Variants in GTF2H1 observed in about 807,000 individuals in gnomAD.
GTF2H1 encodes BTF2 p62.
In GTF2H1, 16 loss-of-function variants were observed where a neutral mutation model predicts 71.2. The ratio of observed to expected loss-of-function variants is 0.22; its 90% CI spans 0.15 to 0.34. The LOEUF is 0.34. GTF2H1 is among the 10% of genes least tolerant of loss of function. The pLI is 1.00. For synonymous variants in GTF2H1, 215 were observed against 219.0 expected, an observed-to-expected ratio of 0.98 and a Z score of 0.16; for missense variants, 498 against 648.2, an observed-to-expected ratio of 0.77 and a Z score of 2.52.
intron 14 of GTF2H1, 134 bp from the exon 15 acceptor site, chr11:18,365,649 C>T (rs2133996788): frequency 1.6e-6 from 1 of 644,054 alleles, no homozygotes; most frequent in African/African-American, 1.8e-5. Flanking sequence ...AGAGGGCTTG[C>T]ACATTACCTC....
chr11:18,327,224 A>G (rs946993966), intron 1 of GTF2H1, among the ~76,000 whole-genome samples: 1 of 152,118 alleles, frequency 6.6e-6, no homozygotes, highest in Non-Finnish European at 1.5e-5. Context: ...TTGATAGAGA[A>G]GAAACTCTTG....
intron 13 of GTF2H1, 86 bp from the exon 14 acceptor site, chr11:18,360,529 T>C: frequency 1.6e-6 from 1 of 637,524 alleles, no homozygotes; most frequent in Non-Finnish European, 2.7e-6. Flanking sequence ...ACAAGAAAAG[T>C]AACTTTCATA....
chr11:18,342,659 A>C (rs1157518476), intron 7 of GTF2H1, among the ~76,000 whole-genome samples: 1 of 152,144 alleles, frequency 6.6e-6, no homozygotes, highest in Non-Finnish European at 1.5e-5. Context: ...GGCCCTCTTT[A>C]ATTATCCTGA....
At chr11:18,344,391 G>A (rs4150631) in intron 7 of GTF2H1, among the ~76,000 whole-genome samples, 2,974 of 152,100 alleles carry the variant, frequency 0.02, 101 homozygotes, top group African/African-American at 0.068. Flanking sequence ...CGCCAAGGTG[G>A]GTGGATCACC....
chr11:18,345,377 C>T (rs910840982), intron 7 of GTF2H1, among the ~76,000 whole-genome samples: 9 of 152,134 alleles, frequency 5.9e-5, no homozygotes, highest in African/African-American at 1.7e-4. Flanking sequence ...CATTCACACT[C>T]CTCTCAGAGT....
intron 4 of GTF2H1, 142 bp from the exon 5 acceptor site, chr11:18,339,422 C>T (rs1453867446): frequency 3.6e-6 from 2 of 559,286 alleles, no homozygotes; most frequent in African/African-American, 1.9e-5. Flanking sequence ...TGCCTCTGTG[C>T]AAAAAGTGAA....
Position 18,334,748 on chromosome 11 carries a change from A to G in GTF2H1, c.155-1006A>G, listed in dbSNP as rs146524097. On this transcript the variant is annotated intron_variant, in intron 2 of 14. Transcript: ENST00000265963. ...AGCTGACAAAGTTACAGAAAATTTT[A>G]AAGAATGATACAGTGAAAACCTACG... Among the ~76,000 whole-genome samples the G allele has an allele frequency of 5.3e-5, 8 of 152,372 alleles. No homozygotes were observed. The East Asian group carries it at 1.5e-3, about 29-fold the overall frequency.
rs562979132 is a variant in GTF2H1, at chr11:18,346,612, A to G, written c.838-976A>G. Among the ~76,000 whole-genome samples, 17 of 151,524 alleles carry G rather than the reference A, an allele frequency of 1.1e-4. No homozygotes were observed. The South Asian group carries it at 3.3e-3, about 30-fold the overall frequency. On this transcript the variant is annotated intron_variant, in intron 7 of 14. Coordinates refer to ENST00000265963, the MANE Select transcript of GTF2H1 (RefSeq NM_005316.4). ...ATCTCATTTTATTCTCTTTTATCCT[A>G]CTTTATAGAGCTTGGAAAAGTTTAT...
intron 4 of GTF2H1, 128 bp from the exon 5 acceptor site, chr11:18,339,436 G>T: frequency 1.7e-6 from 1 of 589,976 alleles, no homozygotes; most frequent in South Asian, 2.3e-5. Context: ...AAGTGAAGGT[G>T]AGGGACTTTC....
chr11:18,351,672 A>G (rs892189322), intron 9 of GTF2H1: 4 of 354,762 alleles, frequency 1.1e-5, no homozygotes, highest in African/African-American at 6.2e-5. Flanking sequence ...ATAATACTTC[A>G]TGTGGTCAGA....
At chr11:18,347,765 G>A in intron 8 of GTF2H1, 50 bp downstream of exon 8, 3 of 1,601,912 alleles carry the variant, frequency 1.9e-6, no homozygotes, top group Non-Finnish European at 2.6e-6. Context: ...AGGATATCCA[G>A]ATGGAGTTGT....
At chr11:18,342,907 G>A (rs1417008466) in intron 7 of GTF2H1, among the ~76,000 whole-genome samples, 1 of 151,948 alleles carries the variant, frequency 6.6e-6, no homozygotes, top group Non-Finnish European at 1.5e-5. Flanking sequence ...GCCCTGTTTG[G>A]TTTTTGTTTT....
intron 2 of GTF2H1, among the ~76,000 whole-genome samples, 173 bp from the exon 3 acceptor site, chr11:18,335,581 C>T (rs1336944989): frequency 6.6e-6 from 1 of 152,128 alleles, no homozygotes; most frequent in Non-Finnish European, 1.5e-5. Context: ...GATGAGCATG[C>T]TCTGGTTGTA....
At chr11:18,330,521 G>A (rs1047308889) in intron 1 of GTF2H1, among the ~76,000 whole-genome samples, 3 of 152,194 alleles carry the variant, frequency 2.0e-5, no homozygotes, top group Non-Finnish European at 4.4e-5. Context: ...GAGCTAACTT[G>A]CATTTTTCTA....
intron 7 of GTF2H1, among the ~76,000 whole-genome samples, chr11:18,346,448 A>G (rs1865295069): frequency 6.6e-6 from 1 of 152,134 alleles, no homozygotes; most frequent in African/African-American, 2.4e-5. Flanking sequence ...CCTCTTCTCC[A>G]GTAGGATTGA....
In GTF2H1 at chr11:18,365,739, C is replaced by T; in HGVS notation, c.1561-44C>T. 2 of 1,343,112 alleles carry T rather than the reference C, an allele frequency of 1.5e-6. 1 individual carries two copies. Among genetic ancestry groups the T allele is most frequent in the South Asian group, 2.3e-5 (2 of 85,570 alleles). The allele number at this position is 1,343,112 out of a possible 1,614,324, so 83.2% of individuals were successfully genotyped here. On this transcript the variant is annotated intron_variant, in intron 14 of 14. Coordinates refer to ENST00000265963, the MANE Select transcript of GTF2H1 (RefSeq NM_005316.4). ...GATTTGGGTTGGAAGGATTAACTTCCCCTGCTTTTGCCCAGTTGTTAAGTG... is the reference window on the plus strand; with the variant it reads ...GATTTGGGTTGGAAGGATTAACTTCTCCTGCTTTTGCCCAGTTGTTAAGTG...
At chr11:18,323,228 C>T (rs954181330) in intron 1 of GTF2H1, among the ~76,000 whole-genome samples, 1 of 152,072 alleles carries the variant, frequency 6.6e-6, no homozygotes, top group African/African-American at 2.4e-5. Flanking sequence ...CCATGAGTAC[C>T]TGGATATATG....
chr11:18,347,031 A>C (rs141036258), intron 7 of GTF2H1: 1 of 149,864 alleles, frequency 6.7e-6, no homozygotes, highest in Middle Eastern at 3.2e-3. Flanking sequence ...TCCTGACTCT[A>C]TTGCTTTTAT....
intron 5 of GTF2H1, 126 bp from the exon 6 acceptor site, chr11:18,341,135 A>T (rs1306515400): frequency 1.5e-6 from 1 of 660,396 alleles, no homozygotes; most frequent in Non-Finnish European, 2.6e-6. Context: ...ATTAGATTAT[A>T]ACTTATAGTA....
Sources: allele counts gnomAD v4.1 joint callset (sites outside exome capture counted in the v4.1 genomes callset), GRCh38; gene constraint gnomAD v4.1.1; transcripts MANE v1.5; gene names NCBI Gene and HGNC (gene_info 2026-07-23, HGNC 2026-07-21).